PTPRK: variants seen among roughly 807,000 people sequenced by gnomAD.
PTPRK encodes receptor-type tyrosine-protein phosphatase kappa.
Under a neutral mutation model 178.0 loss-of-function variants are expected in PTPRK, and 75 were observed. The observed-to-expected ratio is 0.42, with a 90% CI of 0.35 to 0.51. The LOEUF (loss-of-function observed/expected upper bound fraction) is 0.51, where lower values mean the gene tolerates loss of function less well. Among genes scored for constraint, PTPRK ranks in the 20% least tolerant of loss-of-function variants. The pLI, the probability that PTPRK is intolerant of heterozygous loss-of-function variation, is 0.02. For synonymous variants in PTPRK, 637 were observed against 620.6 expected (o/e 1.03, Z -0.39); for missense variants, 1,441 against 1,797.8 (o/e 0.80, Z 3.59).
chr6:128,305,333 C>T (rs1334350103), intron 3 of PTPRK, among the ~76,000 whole-genome samples: 1 of 152,128 alleles, frequency 6.6e-6, no homozygotes, highest in Non-Finnish European at 1.5e-5. Context: ...TCTTTAGTAG[C>T]TTAGAGGATT....
intron 7 of PTPRK, among the ~76,000 whole-genome samples, chr6:128,169,187 G>C (rs1420040221): frequency 1.3e-5 from 2 of 152,034 alleles, no homozygotes; most frequent in African/African-American, 4.8e-5. Flanking sequence ...TGAAAGCACT[G>C]CAAAAAGAGT....
intron 7 of PTPRK, among the ~76,000 whole-genome samples, chr6:128,154,586 A>T (rs1400111246): frequency 6.6e-6 from 1 of 151,758 alleles, no homozygotes; most frequent in East Asian, 1.9e-4. Context: ...AAATTACACT[A>T]CCTCATTTTT....
intron 22 of PTPRK, among the ~76,000 whole-genome samples, chr6:127,984,008 G>A (rs1470404018): frequency 6.6e-6 from 1 of 152,066 alleles, no homozygotes; most frequent in Non-Finnish European, 1.5e-5. Context: ...ATTATTAGGT[G>A]TAGAATATGA....
chr6:128,152,305 G>C (rs1797366901), intron 7 of PTPRK, among the ~76,000 whole-genome samples: 1 of 152,016 alleles, frequency 6.6e-6, no homozygotes, highest in African/African-American at 2.4e-5. Flanking sequence ...AGTGGAAAGA[G>C]ATGAATCCAA....
At chr6:128,179,872 G>C (rs1167778847) in intron 7 of PTPRK, among the ~76,000 whole-genome samples, 1 of 151,700 alleles carries the variant, frequency 6.6e-6, no homozygotes, top group South Asian at 2.1e-4. Context: ...TTCCATTTTG[G>C]ATTTGGGACA....
At chr6:128,170,870 T>C (rs1364609056) in intron 7 of PTPRK, among the ~76,000 whole-genome samples, 2 of 151,068 alleles carry the variant, frequency 1.3e-5, no homozygotes, top group African/African-American at 4.9e-5. Flanking sequence ...TATTGCAAAC[T>C]AGCATTTTTA....
chr6:128,143,699 C>G (rs969708945), intron 7 of PTPRK, among the ~76,000 whole-genome samples: 74 of 152,220 alleles, frequency 4.9e-4, no homozygotes, highest in African/African-American at 1.8e-3. Context: ...TTGGCCATCC[C>G]CTGTCCTCAC....
At chr6:128,458,258 A>G (rs575984041) in intron 1 of PTPRK, among the ~76,000 whole-genome samples, 3 of 152,308 alleles carry the variant, frequency 2.0e-5, no homozygotes, top group African/African-American at 7.2e-5. Flanking sequence ...AAAAGGAAAC[A>G]GGGCCAGTAT....
intron 7 of PTPRK, among the ~76,000 whole-genome samples, chr6:128,109,091 C>G (rs1208139964): frequency 1.3e-5 from 2 of 152,034 alleles, no homozygotes; most frequent in Non-Finnish European, 2.9e-5. Context: ...TTAAAAAAAA[C>G]TACCATGTGT....
intron 7 of PTPRK, among the ~76,000 whole-genome samples, chr6:128,121,311 T>C (rs1792424335): frequency 6.6e-6 from 1 of 152,010 alleles, no homozygotes; most frequent in African/African-American, 2.4e-5. Context: ...CTGATAGTCA[T>C]TTAATATTTC....
intron 1 of PTPRK, chr6:128,472,703 T>C (rs1850862724): frequency 2.8e-6 from 1 of 357,552 alleles, no homozygotes; most frequent in African/African-American, 2.2e-5. Flanking sequence ...AATATATATT[T>C]CCAACTGTAA....
At chr6:128,459,915 T>C (rs958449230) in intron 1 of PTPRK, among the ~76,000 whole-genome samples, 3 of 152,090 alleles carry the variant, frequency 2.0e-5, no homozygotes, top group Non-Finnish European at 4.4e-5. Context: ...TTTTCAATCA[T>C]GCAGAAGGCA....
intron 7 of PTPRK, among the ~76,000 whole-genome samples, chr6:128,138,769 T>G (rs892159282): frequency 3.3e-5 from 5 of 152,130 alleles, no homozygotes; most frequent in African/African-American, 1.2e-4. Flanking sequence ...ACTGAGCCTT[T>G]CACAGCCTCT....
At chr6:128,270,409 CAAAT>C (rs1437743092) in intron 3 of PTPRK, among the ~76,000 whole-genome samples, 6 of 152,002 alleles carry the variant, frequency 3.9e-5, no homozygotes, top group African/African-American at 1.4e-4. Flanking sequence ...AAATTAGTGA[CAAAT>C]AAAAATTTAA....
chr6:128,038,864 C>T (rs1264855287), intron 13 of PTPRK, among the ~76,000 whole-genome samples: 7 of 152,100 alleles, frequency 4.6e-5, no homozygotes, highest in Admixed American at 4.6e-4. Context: ...AATTTTACAA[C>T]AAGCAGTGTT....
At chr6:128,048,291 C>T (rs1226607600) in intron 13 of PTPRK, among the ~76,000 whole-genome samples, 2 of 152,120 alleles carry the variant, frequency 1.3e-5, no homozygotes, top group African/African-American at 4.8e-5. Flanking sequence ...CAGCAATCTG[C>T]TTAACAAGCC....
chr6:128,514,651 T>C lies in PTPRK; in HGVS notation c.100+5608A>G, dbSNP rs373222881. Among the ~76,000 whole-genome samples the C allele has an allele frequency of 3.9e-5, 6 of 152,300 alleles. No homozygotes were observed. The East Asian group carries it at 7.7e-4, about 20-fold the overall frequency. ...CATTTAGGACAACTTAATTTGATCC[T>C]AAAACAACTGTAAGTGACAAAATAA... is the stretch of plus-strand genomic sequence containing the variant. On this transcript the variant is annotated intron_variant, in intron 1 of 29. Coordinates refer to ENST00000368226, the MANE Select transcript of PTPRK (RefSeq NM_002844.4).
At chr6:128,319,610 A>G (rs1828510426) in intron 3 of PTPRK, among the ~76,000 whole-genome samples, 1 of 152,200 alleles carries the variant, frequency 6.6e-6, no homozygotes, top group Non-Finnish European at 1.5e-5. Context: ...AAAGCAGTTG[A>G]GTTTCTCTTT....
At chr6:128,289,714 T>C (rs1823066173) in intron 3 of PTPRK, among the ~76,000 whole-genome samples, 1 of 152,088 alleles carries the variant, frequency 6.6e-6, no homozygotes, top group Admixed American at 6.6e-5. Flanking sequence ...CACCGTAATA[T>C]ACTTTATGGA....
Sources: gnomAD v4.1 joint callset for allele counts (sites outside exome capture counted in the v4.1 genomes callset) on GRCh38, gnomAD v4.1.1 for gene constraint, MANE v1.5 for transcripts, NCBI Gene and HGNC (gene_info 2026-07-23, HGNC 2026-07-21) for gene names.